KDM6A: variants seen among roughly 807,000 people sequenced by gnomAD.
KDM6A encodes lysine-specific demethylase 6A.
KDM6A carries 11 observed loss-of-function variants against 117.6 expected under a neutral mutation model. The observed-to-expected ratio is 0.09, with a 90% CI of 0.06 to 0.15. The LOEUF is 0.15. Ranked by LOEUF, KDM6A falls within the 10% of genes least tolerant of loss-of-function variation. The pLI is 1.00. For missense variants in KDM6A, 799 were observed against 1,077.3 expected (o/e 0.74, Z 3.62); for synonymous variants, 384 against 396.1 (o/e 0.97, Z 0.36).
intron 4 of KDM6A, among the ~76,000 whole-genome samples, chrX:44,981,641 CG>C (rs1285387875): frequency 8.9e-6 from 1 of 111,819 alleles, no homozygotes; most frequent in Non-Finnish European, 1.9e-5. Context: ...AAAGTCCCAA[CG>C]TTCTAATCAT....
chrX:45,110,294 AG>A (rs1335288847), intron 29 of KDM6A, 45 bp downstream of exon 29: 1 of 1,107,123 alleles, frequency 9.0e-7, no homozygotes, highest in Non-Finnish European at 1.2e-6. Flanking sequence ...TGGGTTATGA[AG>A]CAGCAGTGTT....
intron 2 of KDM6A, among the ~76,000 whole-genome samples, chrX:44,933,392 C>A (rs2036778533): frequency 9.6e-6 from 1 of 103,858 alleles, no homozygotes; most frequent in Non-Finnish European, 2.0e-5. Flanking sequence ...CTCAGCCTCG[C>A]AAGTAGCTGG....
At chrX:45,020,758 A>T in intron 6 of KDM6A, 28 bp downstream of exon 6, 14 of 1,201,797 alleles carry the variant, frequency 1.2e-5, no homozygotes, top group Non-Finnish European at 1.6e-5. Flanking sequence ...TTCAAGATAC[A>T]ATGTTTAATT....
chrX:44,891,411 G>C (rs1210833381), intron 2 of KDM6A, among the ~76,000 whole-genome samples: 1 of 111,350 alleles, frequency 9.0e-6, no homozygotes, highest in Admixed American at 9.7e-5. Context: ...AATTGCTTTT[G>C]AATCTTTGTT....
At chrX:44,891,243 C>G (rs939184324) in intron 2 of KDM6A, among the ~76,000 whole-genome samples, 2 of 110,529 alleles carry the variant, frequency 1.8e-5, no homozygotes, top group Admixed American at 1.9e-4. Context: ...TTGCCTGGCC[C>G]TAGATCCCTA....
In KDM6A at chrX:45,083,598, C is replaced by T. The variant is rs2148154385; in HGVS notation, c.3579C>T (p.Ser1193=). The stretch of plus-strand genomic sequence containing the variant: ...AACTATACATGAAAGTTCCAGGGAG[C>T]AGAACACCAGGTAATTTGTATGAAC... ...TVQLYMKVPG[S]RTPGHQENNN... Residue 1193 remains serine, a synonymous_variant, in exon 24 of 30, where the codon AGC becomes AGT. Coordinates refer to ENST00000611820, the MANE Select transcript of KDM6A (RefSeq NM_001291415.2). 1 of 1,204,742 alleles carries T rather than the reference C, an allele frequency of 8.3e-7. No homozygotes were observed. The highest frequency in any genetic ancestry group is 1.1e-6 in the Non-Finnish European group (1 of 889,527).
At chrX:44,876,630 A>AC (rs2031579986) in intron 2 of KDM6A, among the ~76,000 whole-genome samples, 2 of 23,748 alleles carry the variant, frequency 8.4e-5, no homozygotes, top group South Asian at 2.9e-3. Flanking sequence ...CCCACCCCCA[A>AC]CCCCCCGGCC....
At chrX:44,987,125 T>A (rs1280771472) in intron 4 of KDM6A, among the ~76,000 whole-genome samples, 1 of 111,972 alleles carries the variant, frequency 8.9e-6, no homozygotes, top group South Asian at 3.7e-4. Context: ...TTTAGGATAG[T>A]TAGCTCTTCT....
intron 4 of KDM6A, among the ~76,000 whole-genome samples, chrX:44,991,880 C>G (rs376154938): frequency 9.1e-6 from 1 of 109,810 alleles, no homozygotes; most frequent in Non-Finnish European, 1.9e-5. Flanking sequence ...TTAGTAGAGA[C>G]GGGGTTTCAC....
chrX:44,886,242 G>T (rs1387865264), intron 2 of KDM6A, among the ~76,000 whole-genome samples: 1 of 109,333 alleles, frequency 9.1e-6, no homozygotes, highest in Admixed American at 9.9e-5. Context: ...AGTAGAGACG[G>T]TTTCACTGTA....
intron 27 of KDM6A, among the ~76,000 whole-genome samples, 179 bp downstream of exon 27, chrX:45,091,043 G>A (rs1372655091): frequency 9.0e-6 from 1 of 110,811 alleles, no homozygotes; most frequent in Non-Finnish European, 1.9e-5. Flanking sequence ...GCCCACTATG[G>A]TACAGAAAGG....
In KDM6A at chrX:45,010,968, C is replaced by G; in HGVS notation, c.392C>G (p.Ala131Gly). 1 of 1,198,531 alleles carries G rather than the reference C, an allele frequency of 8.3e-7. No homozygotes were observed. The highest frequency in any genetic ancestry group is 1.1e-6 in the Non-Finnish European group (1 of 884,658). The change falls in exon 5 of 30, where the codon GCC becomes GGC. Residue 131 changes from alanine (A) to glycine (G), a missense_variant. Coordinates refer to ENST00000611820, the MANE Select transcript of KDM6A (RefSeq NM_001291415.2). ...SLQSDYWKNA[A>G]FLYGLGLVYF... ...TTTTCCCTTCCTTTACAGAATGCTG[C>G]CTTTTTATATGGTCTTGGTTTGGTC...
chrX:44,912,270 A>G (rs748840621), intron 2 of KDM6A, among the ~76,000 whole-genome samples: 33 of 109,717 alleles, frequency 3.0e-4, no homozygotes, highest in African/African-American at 1.1e-3. Flanking sequence ...TTGTATTTTT[A>G]GTAGAGACGG....
intron 2 of KDM6A, among the ~76,000 whole-genome samples, chrX:44,889,176 G>A (rs2033140391): frequency 1.8e-5 from 2 of 111,635 alleles, no homozygotes; most frequent in Non-Finnish European, 3.8e-5. Context: ...ACACATGCCT[G>A]GCTAATTTTT....
intron 10 of KDM6A, 79 bp from the exon 11 acceptor site, chrX:45,058,927 C>G (rs1441758230): frequency 2.2e-6 from 2 of 900,359 alleles, no homozygotes; most frequent in African/African-American, 4.0e-5. Flanking sequence ...GATATATAGT[C>G]CATCCTTTCA....
chrX:45,053,077 G>A (rs191409598), intron 9 of KDM6A, among the ~76,000 whole-genome samples: 118 of 111,472 alleles, frequency 1.1e-3, no homozygotes, highest in African/African-American at 3.1e-3. Flanking sequence ...CTGAATTATC[G>A]TTGATTCTAT....
At chrX:45,036,315 A>G (rs1347200108) in intron 7 of KDM6A, among the ~76,000 whole-genome samples, 2 of 111,787 alleles carry the variant, frequency 1.8e-5, no homozygotes, top group African/African-American at 6.5e-5. Context: ...GCCCTAGGAA[A>G]TTGTTGAATC....
intron 28 of KDM6A, among the ~76,000 whole-genome samples, chrX:45,108,636 T>C (rs2046621368): frequency 9.6e-6 from 1 of 103,963 alleles, no homozygotes; most frequent in African/African-American, 3.5e-5. Flanking sequence ...CCCAAATGAC[T>C]ATAAATCATG....
intron 10 of KDM6A, among the ~76,000 whole-genome samples, chrX:45,057,191 C>T (rs945710338): frequency 9.0e-6 from 1 of 111,546 alleles, no homozygotes; most frequent in African/African-American, 3.3e-5. Context: ...ATCTTAAACA[C>T]CAGGACAACA....
Sources: allele counts gnomAD v4.1 joint callset (sites outside exome capture counted in the v4.1 genomes callset), GRCh38; gene constraint gnomAD v4.1.1; transcripts MANE v1.5; gene names NCBI Gene and HGNC (gene_info 2026-07-23, HGNC 2026-07-21).